GALNT13: variants seen among roughly 807,000 people sequenced by gnomAD.
GALNT13 encodes the protein polypeptide N-acetylgalactosaminyltransferase 13.
In GALNT13, 28 loss-of-function variants were observed where a neutral mutation model predicts 64.2. The ratio of observed to expected loss-of-function variants is 0.44; its 90% confidence interval spans 0.32 to 0.60. The LOEUF is 0.60. Ranked by LOEUF, GALNT13 falls within the 20% of genes least tolerant of loss-of-function variation. The pLI is 0.05. For synonymous variants in GALNT13, 214 were observed against 224.6 expected, an observed-to-expected ratio of 0.95 and a Z score of 0.42; for missense variants, 577 against 669.8, an observed-to-expected ratio of 0.86 and a Z score of 1.53.
At chr2:153,861,559 C>CTTTTTTTTTTTT in the GALNT13 span, among the ~76,000 whole-genome samples, 8 of 118,200 alleles carry the variant, frequency 6.8e-5, no homozygotes, top group East Asian at 3.0e-4. Context: ...TTCTTTCTTT[C>CTTTTTTTTTTTT]TTTTTTTTTT....
intron 4 of GALNT13, among the ~76,000 whole-genome samples, chr2:154,174,022 A>C (rs1452692996): frequency 6.6e-6 from 1 of 152,156 alleles, no homozygotes; most frequent in Non-Finnish European, 1.5e-5. Context: ...CATATGATCC[A>C]GCAAGTTTTC....
chr2:153,376,880 G>A, the GALNT13 span, among the ~76,000 whole-genome samples: 5 of 152,136 alleles, frequency 3.3e-5, no homozygotes, highest in Admixed American at 6.6e-5. Flanking sequence ...CTGCCCTGCT[G>A]TAGCAATTGA....
At chr2:153,379,075 G>A in the GALNT13 span, among the ~76,000 whole-genome samples, 1 of 152,082 alleles carries the variant, frequency 6.6e-6, no homozygotes, top group African/African-American at 2.4e-5. Flanking sequence ...AATGTTCCTA[G>A]TAGTAGCCCA....
chr2:153,817,957 G>A, the GALNT13 span, among the ~76,000 whole-genome samples: 5 of 152,238 alleles, frequency 3.3e-5, no homozygotes, highest in Admixed American at 1.3e-4. Flanking sequence ...GCATGGAAAG[G>A]AAACAAAGAG....
chr2:154,171,732 A>G (rs1685360110), intron 4 of GALNT13, among the ~76,000 whole-genome samples: 1 of 152,094 alleles, frequency 6.6e-6, no homozygotes, highest in African/African-American at 2.4e-5. Context: ...TCTCAGCTTC[A>G]CAGCTTGTTT....
chr2:153,696,876 G>A, the GALNT13 span, among the ~76,000 whole-genome samples: 1 of 151,120 alleles, frequency 6.6e-6, no homozygotes, highest in Non-Finnish European at 1.5e-5. Context: ...GGTTGTAAAT[G>A]TGAGATCTAC....
At chr2:153,952,180 T>C (rs72865064) in intron 3 of GALNT13, among the ~76,000 whole-genome samples, 7,144 of 152,186 alleles carry the variant, frequency 0.047, 238 homozygotes, top group Middle Eastern at 0.099. Flanking sequence ...TTTGAGAGAA[T>C]AGGTATTTAA....
chr2:153,735,979 T>A, the GALNT13 span, among the ~76,000 whole-genome samples: 1 of 152,330 alleles, frequency 6.6e-6, no homozygotes, highest in East Asian at 1.9e-4. Flanking sequence ...GGAATAAATG[T>A]TTTGTGAAAG....
chr2:153,344,824 C>T, the GALNT13 span, among the ~76,000 whole-genome samples: 1 of 152,100 alleles, frequency 6.6e-6, no homozygotes, highest in Non-Finnish European at 1.5e-5. Flanking sequence ...AGTCATTTCA[C>T]TATGTATGCA....
chr2:154,087,607 A>G (rs1312952390), intron 3 of GALNT13, among the ~76,000 whole-genome samples: 2 of 152,104 alleles, frequency 1.3e-5, no homozygotes, highest in African/African-American at 4.8e-5. Flanking sequence ...TGTTTGCTTG[A>G]TCAGTAGTCT....
chr2:153,681,179 C>A, the GALNT13 span, among the ~76,000 whole-genome samples: 3 of 151,790 alleles, frequency 2.0e-5, no homozygotes, highest in African/African-American at 7.3e-5. Context: ...AGGACAAAGC[C>A]CCAGTCCTGC....
chr2:154,059,489 A>G (rs1055227687), intron 3 of GALNT13, among the ~76,000 whole-genome samples: 1 of 152,204 alleles, frequency 6.6e-6, no homozygotes, highest in Admixed American at 6.5e-5. Flanking sequence ...CTGTATCTAC[A>G]TATAAATATT....
At chr2:154,157,713 T>C (rs1344753205) in intron 4 of GALNT13, among the ~76,000 whole-genome samples, 2 of 152,212 alleles carry the variant, frequency 1.3e-5, no homozygotes, top group African/African-American at 4.8e-5. Flanking sequence ...TTGTTTTGAA[T>C]TCCCTGCAAT....
At chr2:154,408,122 G>A (rs1413992310) in intron 10 of GALNT13, among the ~76,000 whole-genome samples, 1 of 152,084 alleles carries the variant, frequency 6.6e-6, no homozygotes, top group African/African-American at 2.4e-5. Flanking sequence ...TTGGGGTTGA[G>A]ACTAAGTAAA....
At chr2:153,563,242 G>T in the GALNT13 span, among the ~76,000 whole-genome samples, 5 of 151,978 alleles carry the variant, frequency 3.3e-5, no homozygotes, top group African/African-American at 9.6e-5. Flanking sequence ...AGTTCTGAAA[G>T]TTCTATTTTC....
chr2:153,722,652 A>G, the GALNT13 span, among the ~76,000 whole-genome samples: 4 of 152,206 alleles, frequency 2.6e-5, no homozygotes, highest in Admixed American at 6.5e-5. Flanking sequence ...AATACAAACT[A>G]TCATCAGAGA....
the GALNT13 span, among the ~76,000 whole-genome samples, chr2:153,829,812 C>T: frequency 1.3e-5 from 2 of 152,124 alleles, no homozygotes; most frequent in Admixed American, 1.3e-4. Context: ...AAAATGCTTG[C>T]ATGTTGAATT....
chr2:153,589,141 A>AAAAG, the GALNT13 span, among the ~76,000 whole-genome samples: 4,269 of 152,082 alleles, frequency 0.028, 200 homozygotes, highest in African/African-American at 0.097. Flanking sequence ...GTCTCAAAAA[A>AAAAG]AAAAGAAAAG....
the GALNT13 span, among the ~76,000 whole-genome samples, chr2:153,536,013 G>T: frequency 1.3e-5 from 2 of 152,156 alleles, no homozygotes; most frequent in Non-Finnish European, 2.9e-5. Context: ...CTGACTCGGG[G>T]CATGTTGAGT....
Sources: allele counts gnomAD v4.1 joint callset (sites outside exome capture counted in the v4.1 genomes callset), GRCh38; gene constraint gnomAD v4.1.1; transcripts MANE v1.5; gene names NCBI Gene and HGNC (gene_info 2026-07-23, HGNC 2026-07-21).